The following AHNAK variants were observed in gnomAD, a reference collection of about 807,000 sequenced individuals.
AHNAK encodes the protein neuroblast differentiation-associated protein AHNAK.
AHNAK carries 23 observed loss-of-function variants against 37.8 expected under a neutral mutation model. The observed-to-expected ratio is 0.61, with a 90% CI of 0.44 to 0.86. AHNAK has a LOEUF of 0.86. Ranked by LOEUF, AHNAK falls within the 40% of genes least tolerant of loss-of-function variation. AHNAK has a pLI of 0.00. For missense variants in AHNAK, 7,411 were observed against 7,319.4 expected (o/e 1.01, Z -0.46); for synonymous variants, 2,481 against 2,636.3 (o/e 0.94, Z 1.80).
chr11:62,463,827 G>A (rs952447523), intron 5 of AHNAK, among the ~76,000 whole-genome samples: 6 of 151,884 alleles, frequency 4.0e-5, no homozygotes, highest in African/African-American at 1.2e-4. Context: ...GCAATGGTAC[G>A]ATCTCGGCTC....
Position 62,457,645 on chromosome 11 carries a change from G to T in AHNAK, c.443-23754C>A, listed in dbSNP as rs1938689015. Among the ~76,000 whole-genome samples, 3 of 151,958 alleles carry T rather than the reference G, an allele frequency of 2.0e-5. No homozygotes were observed. In the South Asian group the frequency reaches 6.2e-4, roughly 32 times the overall value. On this transcript the variant is annotated intron_variant, in intron 5 of 5. Transcript: ENST00000257247. ...CTCCATCTCAAAAACAAAAAAAAAGGAACGAAAAGGCTTAGTTCAGCAAAT... is the reference window on the plus strand; with the variant it reads ...CTCCATCTCAAAAACAAAAAAAAAGTAACGAAAAGGCTTAGTTCAGCAAAT...
intron 1 of AHNAK, among the ~76,000 whole-genome samples, chr11:62,540,939 T>C (rs1049651918): frequency 6.6e-6 from 1 of 152,172 alleles, no homozygotes; most frequent in Admixed American, 6.5e-5. Flanking sequence ...GACGCAGAAC[T>C]CCAGGAAGCA....
intron 5 of AHNAK, among the ~76,000 whole-genome samples, chr11:62,481,840 C>T (rs1393758079): frequency 6.6e-6 from 1 of 151,800 alleles, no homozygotes; most frequent in African/African-American, 2.4e-5. Flanking sequence ...GCTGGGATTA[C>T]AGGCGTGAAC....
chr11:62,474,517 T>C (rs1389799302), intron 5 of AHNAK, among the ~76,000 whole-genome samples: 1 of 152,168 alleles, frequency 6.6e-6, no homozygotes, highest in East Asian at 1.9e-4. Context: ...TCCCCAGTGA[T>C]TCTTATGCAC....
At chr11:62,476,680 G>T (rs941317423) in intron 5 of AHNAK, among the ~76,000 whole-genome samples, 1 of 152,168 alleles carries the variant, frequency 6.6e-6, no homozygotes, top group South Asian at 2.1e-4. Context: ...CTTATTCTAC[G>T]CAACAACAAT....
At position 62,527,035 on chromosome 11, in the gene AHNAK, T is replaced by C; in HGVS notation, c.7382A>G (p.Asn2461Ser). The C allele has an allele frequency of 6.2e-7, 1 of 1,614,090 alleles. No individual in the cohort carries two copies. The highest frequency in any genetic ancestry group is 2.2e-5 in the East Asian group (1 of 44,884). The change falls in exon 5 of 5, where the codon AAT becomes AGT. Residue 2461 changes from asparagine to serine, a missense_variant. Coordinates refer to ENST00000378024, the MANE Select transcript of AHNAK (RefSeq NM_001620.3). ...PNISMPDVDL[N>S]LKGPKIKGDV... ...CCCCTTGATTTTGGGTCCTTTGAGATTTAGATCAACATCAGGCATAGAAAT... is the reference window on the plus strand; with the variant it reads ...CCCCTTGATTTTGGGTCCTTTGAGACTTAGATCAACATCAGGCATAGAAAT...
chr11:62,543,628 G>C (rs1002260799), intron 1 of AHNAK, among the ~76,000 whole-genome samples: 4 of 152,170 alleles, frequency 2.6e-5, no homozygotes, highest in African/African-American at 9.7e-5. Flanking sequence ...GCCCACCCAC[G>C]TGCCCCCCAC....
In AHNAK at chr11:62,533,936, T is replaced by C. The variant is rs764400180; in HGVS notation, c.481A>G (p.Thr161Ala). 8.6e-5 allele frequency: 138 copies of C among 1,613,916 alleles called. No homozygotes were observed. The highest frequency in any genetic ancestry group is 2.2e-4 in the Admixed American group (13 of 59,990). ...CCTTCCCGGCCAGTCACATCCACAGTGTAGGCCGTGACCCTTCTGGTCACT... is the reference window on the plus strand; with the variant it reads ...CCTTCCCGGCCAGTCACATCCACAGCGTAGGCCGTGACCCTTCTGGTCACT... ...ITVTRRVTAY[T>A]VDVTGREGAK... Residue 161 changes from threonine to alanine, a missense_variant, in exon 5 of 5, where the codon ACT becomes GCT. By Grantham distance (58) the Thr-to-Ala change is moderately conservative. Coordinates refer to ENST00000378024, the MANE Select transcript of AHNAK (RefSeq NM_001620.3).
In AHNAK at chr11:62,533,964, G is replaced by A. The variant is rs1424136089; in HGVS notation, c.453C>T (p.Ile151=). The change falls in exon 5 of 5, where the codon ATC becomes ATT. Residue 151 remains isoleucine, a synonymous_variant. Coordinates refer to ENST00000378024, the MANE Select transcript of AHNAK (RefSeq NM_001620.3). ...AGGCCGTGACCCTTCTGGTCACTGTGATGGTACGGCTCTGGGTCTCCCCGA... is the reference window on the plus strand; with the variant it reads ...AGGCCGTGACCCTTCTGGTCACTGTAATGGTACGGCTCTGGGTCTCCCCGA... ...GDLGETQSRT[I]TVTRRVTAYT... The A allele has an allele frequency of 1.2e-6, 2 of 1,613,666 alleles. No homozygotes were observed. The highest frequency in any genetic ancestry group is 1.7e-5 in the Admixed American group (1 of 59,978).
chr11:62,476,483 A>C (rs1197971179), intron 5 of AHNAK, among the ~76,000 whole-genome samples: 1 of 150,022 alleles, frequency 6.7e-6, no homozygotes, highest in African/African-American at 2.5e-5. Context: ...CAATTGAGAG[A>C]AATAATCAAA....
rs754603382 is a variant in AHNAK, at chr11:62,521,402, T to A, written c.13015A>T (p.Thr4339Ser). 19 of 1,613,476 alleles carry A rather than the reference T, an allele frequency of 1.2e-5. No homozygotes were observed. Among genetic ancestry groups the A allele is most frequent in the Admixed American group, 1.7e-5 (1 of 59,926 alleles). Residue 4339 changes from threonine (T) to serine (S), a missense_variant, in exon 5 of 5, where the codon ACC (threonine) becomes TCC (serine). Coordinates refer to ENST00000378024, the MANE Select transcript of AHNAK (RefSeq NM_001620.3). Reference protein sequence around the residue: ...FKGEGPDVDVTLPKADIEISG... With the variant: ...FKGEGPDVDVSLPKADIEISG... ...ATCTCAATGTCAGCCTTAGGAAGGGTAACATCCACATCTGGGCCCTCTCCT... is the reference window on the plus strand; with the variant it reads ...ATCTCAATGTCAGCCTTAGGAAGGGAAACATCCACATCTGGGCCCTCTCCT...
At position 62,440,521 on chromosome 11, in the gene AHNAK, C is replaced by T. The variant is rs115152260; in HGVS notation, c.443-6630G>A. On this transcript the variant is annotated intron_variant, in intron 5 of 5. Coordinates refer to the AHNAK transcript ENST00000257247. ...CCCAGGAGTGCACGCCAGTGTCCAT[C>T]CCTGGGAGCCCGTTTCTGAGCCTCT... Among the ~76,000 whole-genome samples, 867 of 152,294 alleles carry T rather than the reference C, an allele frequency of 5.7e-3. 10 individuals are homozygous for T. The highest frequency in any genetic ancestry group is 0.02 in the African/African-American group (827 of 41,552).
rs770344987 is a variant in AHNAK, at chr11:62,525,477, A to G, written c.8940T>C (p.Asp2980=). 2 of 1,610,866 alleles carry G rather than the reference A, an allele frequency of 1.2e-6. No individual in the cohort carries two copies. The highest frequency in any genetic ancestry group is 1.4e-5 in the African/African-American group (1 of 73,760). The part of the protein sequence containing the change: ...LHLKGPKVKG[D]VDISLPKVEG... The stretch of plus-strand genomic sequence containing the variant: ...CCACTTTGGGCAGAGAAATATCCAC[A>G]TCGCCCTTCACCTTGGGACCTTTCA... The change falls in exon 5 of 5, where the codon GAT becomes GAC. Residue 2980 remains aspartate (D), a synonymous_variant. Coordinates refer to ENST00000378024, the MANE Select transcript of AHNAK (RefSeq NM_001620.3).
In AHNAK at chr11:62,529,923, A is replaced by G; in HGVS notation, c.4494T>C (p.Asp1498=). The change falls in exon 5 of 5, where the codon GAT becomes GAC. Residue 1498 remains aspartate, a synonymous_variant. Transcript: ENST00000378024. Reference sequence around the variant, plus strand: ...GCCAGTCTGGGCCATGAACCTCCACATCTGGTGCATTAATATCAACTTTGG... The same window carrying G: ...GCCAGTCTGGGCCATGAACCTCCACGTCTGGTGCATTAATATCAACTTTGG... The part of the protein sequence containing the change: ...KGPKVDINAP[D]VEVHGPDWHL... 6.2e-7 allele frequency: 1 copy of G among 1,612,474 alleles called. No individual in the cohort carries two copies. The highest frequency in any genetic ancestry group is 8.5e-7 in the Non-Finnish European group (1 of 1,179,648).
At chr11:62,539,600 C>G (rs1015101062) in intron 1 of AHNAK, among the ~76,000 whole-genome samples, 2 of 152,262 alleles carry the variant, frequency 1.3e-5, no homozygotes, top group Non-Finnish European at 2.9e-5. Context: ...GCTTCCCTGC[C>G]AGGGCCTCAG....
intron 4 of AHNAK, among the ~76,000 whole-genome samples, chr11:62,506,394 G>A (rs547761362): frequency 4.9e-4 from 74 of 152,232 alleles, no homozygotes; most frequent in Non-Finnish European, 9.7e-4. Context: ...ACCACAGATT[G>A]TTGGCAGGTT....
At chr11:62,488,937 A>T (rs1196945987) in intron 5 of AHNAK, among the ~76,000 whole-genome samples, 1 of 151,920 alleles carries the variant, frequency 6.6e-6, no homozygotes, top group Non-Finnish European at 1.5e-5. Flanking sequence ...GGTTTGGAAG[A>T]GCACAATAAA....
Position 62,532,324 on chromosome 11 carries a change from G to C in AHNAK, c.2093C>G (p.Ser698Cys), listed in dbSNP as rs1940784296. Residue 698 changes from serine to cysteine, a missense_variant, in exon 5 of 5, where the codon TCC becomes TGC. By Grantham distance (112) the Ser-to-Cys change is moderately radical. Transcript: ENST00000378024. ...CACGTGCAAATCTACATCAGGCATG[G>C]AGATCTTTGGTGTCTTGACACTCAT... ...PDMSVKTPKISMPDVDLHVKG... is the reference protein window; with the variant it reads ...PDMSVKTPKICMPDVDLHVKG... The C allele has an allele frequency of 3.7e-6, 6 of 1,614,146 alleles. No homozygotes were observed. In the Admixed American group the frequency reaches 1.0e-4, roughly 27 times the overall value.
downstream of AHNAK, among the ~76,000 whole-genome samples, chr11:62,513,060 G>A (rs529470120): frequency 6.6e-6 from 1 of 152,328 alleles, no homozygotes; most frequent in South Asian, 2.1e-4. Context: ...TCCACACACA[G>A]TCACACTGCC....
Sources: allele counts gnomAD v4.1 joint callset (sites outside exome capture counted in the v4.1 genomes callset), GRCh38; gene constraint gnomAD v4.1.1; transcripts MANE v1.5; gene names NCBI Gene and HGNC (gene_info 2026-07-23, HGNC 2026-07-21).